The following PES1 variants were observed in gnomAD, a reference collection of about 807,000 sequenced individuals.
PES1 encodes the protein pescadillo homolog.
PES1 carries 31 observed loss-of-function variants against 77.1 expected under a neutral mutation model. The observed-to-expected ratio is 0.40, with a 90% CI of 0.30 to 0.54. The LOEUF (loss-of-function observed/expected upper bound fraction) is 0.54. PES1 is among the 20% of genes least tolerant of loss of function. The probability of loss-of-function intolerance (pLI) is 0.45; values close to 1 mark genes in which losing one functional copy is unlikely to be tolerated. For missense variants in PES1, 658 were observed against 771.7 expected, an observed-to-expected ratio of 0.85 and a Z score of 1.75; for synonymous variants, 282 against 303.0, an observed-to-expected ratio of 0.93 and a Z score of 0.72.
chr22:30,577,763 TG>T (rs1278479015), intron 14 of PES1, among the ~76,000 whole-genome samples: 1 of 152,200 alleles, frequency 6.6e-6, no homozygotes, highest in Non-Finnish European at 1.5e-5. Context: ...CCCAAAGTGC[TG>T]GGATTACAGG....
intron 2 of PES1, among the ~76,000 whole-genome samples, chr22:30,602,331 G>T (rs1438378165): frequency 6.6e-6 from 1 of 151,920 alleles, no homozygotes; most frequent in Non-Finnish European, 1.5e-5. Context: ...TGCCACGATT[G>T]CAAGTTTTCT....
chr22:30,597,193 C>T (rs895831155), intron 2 of PES1, among the ~76,000 whole-genome samples: 3 of 152,010 alleles, frequency 2.0e-5, no homozygotes, highest in South Asian at 2.1e-4. Flanking sequence ...CAACGAGCGC[C>T]GCCCCCTGCT....
At chr22:30,577,978 G>C (rs13054000) in intron 14 of PES1, among the ~76,000 whole-genome samples, 9,867 of 152,232 alleles carry the variant, frequency 0.065, 379 homozygotes, top group Non-Finnish European at 0.089. Context: ...TCCATATTAT[G>C]GTTAAATGAA....
chr22:30,597,852 T>G (rs1333617201), intron 2 of PES1, among the ~76,000 whole-genome samples: 1 of 144,708 alleles, frequency 6.9e-6, no homozygotes, highest in East Asian at 2.0e-4. Context: ...GGTAACTCGC[T>G]CGGTTTTTTT....
At chr22:30,603,165 C>T (rs1172372520) in intron 2 of PES1, among the ~76,000 whole-genome samples, 4 of 151,994 alleles carry the variant, frequency 2.6e-5, no homozygotes. Flanking sequence ...CCCACCTCGG[C>T]CTCCCAAAGG....
In PES1 at chr22:30,606,096, C is replaced by G. The variant is rs183923804; in HGVS notation, c.-717-579G>C. On this transcript the variant is annotated intron_variant, in intron 1 of 16. Coordinates refer to the PES1 transcript ENST00000402281. ...TAGTTAACTCGTATACATTGATTCT[C>G]CTGTGGGGCTGGGCAGATGAGGAAT... is the stretch of plus-strand genomic sequence containing the variant. 1.2e-3 allele frequency among the ~76,000 whole-genome samples: 187 copies of G among 152,318 alleles called. 1 individual carries two copies. Among genetic ancestry groups the G allele is most frequent in the African/African-American group, 4.1e-3 (169 of 41,584 alleles).
chr22:30,584,122 C>T, intron 6 of PES1: 1 of 549,198 alleles, frequency 1.8e-6, no homozygotes, highest in South Asian at 2.0e-5. Flanking sequence ...TTAACTGAGG[C>T]ACAGAGAGGT....
At chr22:30,601,384 A>G (rs576560937) in intron 2 of PES1, among the ~76,000 whole-genome samples, 2 of 151,870 alleles carry the variant, frequency 1.3e-5, no homozygotes, top group African/African-American at 4.8e-5. Context: ...GTGCGATCTC[A>G]GCTCACAGCA....
chr22:30,599,709 G>C (rs1351008669), intron 2 of PES1, among the ~76,000 whole-genome samples: 1 of 150,758 alleles, frequency 6.6e-6, no homozygotes, highest in East Asian at 1.9e-4. Flanking sequence ...AGACCAGCCT[G>C]ACCAACATGG....
At chr22:30,599,307 T>A (rs2087318392) in intron 2 of PES1, among the ~76,000 whole-genome samples, 1 of 54,058 alleles carries the variant, frequency 1.8e-5, no homozygotes, top group Non-Finnish European at 4.0e-5. Context: ...TGGTCAAAGT[T>A]TTTTTACATG....
At chr22:30,598,763 G>T (rs2087305323) in intron 2 of PES1, among the ~76,000 whole-genome samples, 1 of 151,598 alleles carries the variant, frequency 6.6e-6, no homozygotes, top group South Asian at 2.1e-4. Flanking sequence ...GTATATATGT[G>T]GTTAGATGTG....
intron 2 of PES1, among the ~76,000 whole-genome samples, chr22:30,597,563 C>T (rs903112098): frequency 2.7e-5 from 4 of 149,200 alleles, no homozygotes; most frequent in Admixed American, 2.7e-4. Context: ...CACTCTATAT[C>T]TAGCTCAAGG....
intron 14 of PES1, among the ~76,000 whole-genome samples, chr22:30,577,610 C>T (rs112001595): frequency 6.6e-6 from 1 of 152,156 alleles, no homozygotes; most frequent in South Asian, 2.1e-4. Context: ...CTTCAGCCTC[C>T]GGAGTAGCTG....
chr22:30,592,682 AG>A (rs1273547998), upstream of PES1, among the ~76,000 whole-genome samples: 1 of 152,218 alleles, frequency 6.6e-6, no homozygotes, highest in Admixed American at 6.5e-5. Context: ...CTGTAATCCC[AG>A]CTACTCGGGA....
At chr22:30,587,210 A>G in intron 4 of PES1, 76 bp downstream of exon 4, 1 of 1,079,216 alleles carries the variant, frequency 9.3e-7, no homozygotes, top group Non-Finnish European at 1.4e-6. Context: ...CTTATTCCCT[A>G]TTGTATCCCT....
intron 2 of PES1, chr22:30,603,797 A>AT (rs1324851475): frequency 6.6e-6 from 1 of 152,170 alleles, no homozygotes; most frequent in Non-Finnish European, 1.5e-5. Context: ...CATGCATACA[A>AT]TTTTATTTTT....
intron 6 of PES1, chr22:30,584,130 G>T (rs1022857687): frequency 1.1e-5 from 6 of 561,194 alleles, no homozygotes; most frequent in African/African-American, 1.9e-5. Flanking sequence ...GGCACAGAGA[G>T]GTGAAAGGAA....
chr22:30,604,983 A>C (rs1241592519), intron 2 of PES1, among the ~76,000 whole-genome samples: 1 of 151,922 alleles, frequency 6.6e-6, no homozygotes, highest in Non-Finnish European at 1.5e-5. Flanking sequence ...CAGTCACTCT[A>C]TTTCTTTTTT....
chr22:30,582,185 G>A (rs2086998660), intron 6 of PES1, among the ~76,000 whole-genome samples: 1 of 152,226 alleles, frequency 6.6e-6, no homozygotes, highest in Non-Finnish European at 1.5e-5. Flanking sequence ...GCTGACTAAG[G>A]TGCCTTGGGA....
Sources: gnomAD v4.1 joint callset for allele counts (sites outside exome capture counted in the v4.1 genomes callset) on GRCh38, gnomAD v4.1.1 for gene constraint, MANE v1.5 for transcripts, NCBI Gene and HGNC (gene_info 2026-07-23, HGNC 2026-07-21) for gene names.